Variants in BTBD9 observed in about 807,000 individuals in gnomAD.
The protein encoded by BTBD9 is BTB/POZ domain-containing protein 9.
BTBD9 carries 49 observed loss-of-function variants against 64.3 expected under a neutral mutation model. That is an observed-to-expected ratio of 0.76 (90% CI 0.61 to 0.97). The LOEUF (loss-of-function observed/expected upper bound fraction) is 0.97, where lower values mean the gene tolerates loss of function less well. Ranked by LOEUF, BTBD9 falls within the 50% of genes least tolerant of loss-of-function variation. The pLI, the probability that BTBD9 is intolerant of heterozygous loss-of-function variation, is 0.00. For synonymous variants in BTBD9, 260 were observed against 274.7 expected (o/e 0.95, Z 0.53); for missense variants, 598 against 762.1 (o/e 0.78, Z 2.53).
intron 8 of BTBD9, among the ~76,000 whole-genome samples, chr6:38,283,049 G>C (rs1761580703): frequency 6.6e-6 from 1 of 152,196 alleles, no homozygotes; most frequent in Non-Finnish European, 1.5e-5. Context: ...TTTGTTGAAT[G>C]AATCAACGAA....
chr6:38,302,106 C>T (rs1762425872), intron 7 of BTBD9, among the ~76,000 whole-genome samples: 1 of 152,138 alleles, frequency 6.6e-6, no homozygotes, highest in African/African-American at 2.4e-5. Context: ...TCGTCTCATA[C>T]ATTTAACATT....
chr6:38,398,252 C>A (rs1458800458), intron 6 of BTBD9, among the ~76,000 whole-genome samples: 3 of 152,136 alleles, frequency 2.0e-5, no homozygotes, highest in African/African-American at 7.2e-5. Context: ...TTCTCTAGGC[C>A]TTTAAACCTA....
chr6:38,541,099 G>C (rs999876102), intron 6 of BTBD9, among the ~76,000 whole-genome samples: 2 of 152,072 alleles, frequency 1.3e-5, no homozygotes, highest in African/African-American at 4.8e-5. Context: ...TAAAGACAAT[G>C]TTTCTGGTCA....
At chr6:38,478,358 C>T (rs1770988106) in intron 6 of BTBD9, among the ~76,000 whole-genome samples, 1 of 152,104 alleles carries the variant, frequency 6.6e-6, no homozygotes, top group Non-Finnish European at 1.5e-5. Flanking sequence ...CTGACACATC[C>T]ATTTACTGGT....
chr6:38,244,350 AG>A (rs2127526597), intron 9 of BTBD9, among the ~76,000 whole-genome samples: 1 of 152,272 alleles, frequency 6.6e-6, no homozygotes, highest in South Asian at 2.1e-4. Context: ...AGACCATGAG[AG>A]GTACAGAGAG....
intron 10 of BTBD9, among the ~76,000 whole-genome samples, chr6:38,189,542 G>GT (rs1476218366): frequency 6.6e-6 from 1 of 152,312 alleles, no homozygotes; most frequent in East Asian, 1.9e-4. Flanking sequence ...CAGGGCTGGA[G>GT]TGCAGTGGCA....
At chr6:38,586,676 G>T (rs564883992) in intron 4 of BTBD9, among the ~76,000 whole-genome samples, 7 of 152,090 alleles carry the variant, frequency 4.6e-5, no homozygotes, top group Non-Finnish European at 7.4e-5. Flanking sequence ...TTTTCAAGTC[G>T]TCAGCCCAGG....
intron 9 of BTBD9, among the ~76,000 whole-genome samples, chr6:38,211,435 G>GAA (rs11451936): frequency 2.0e-3 from 273 of 134,640 alleles, no homozygotes; most frequent in East Asian, 2.7e-3. Flanking sequence ...TCTCACAAAA[G>GAA]AAAAAAAAAA....
intron 9 of BTBD9, among the ~76,000 whole-genome samples, chr6:38,241,005 A>G (rs60583073): frequency 0.012 from 1,864 of 152,294 alleles, 37 homozygotes; most frequent in African/African-American, 0.041. Flanking sequence ...ATTAGGAAAA[A>G]TGAATTCTGA....
chr6:38,373,195 T>C (rs1394602218), intron 6 of BTBD9, among the ~76,000 whole-genome samples: 1 of 152,186 alleles, frequency 6.6e-6, no homozygotes. Flanking sequence ...GAAAATAATC[T>C]AGGATTCAAA....
At chr6:38,541,063 C>T (rs1456059510) in intron 6 of BTBD9, among the ~76,000 whole-genome samples, 7 of 152,136 alleles carry the variant, frequency 4.6e-5, no homozygotes, top group Admixed American at 1.3e-4. Flanking sequence ...TAATGCTGGA[C>T]GCAGATGCAA....
At chr6:38,243,324 A>C (rs1764072775) in intron 9 of BTBD9, among the ~76,000 whole-genome samples, 1 of 152,184 alleles carries the variant, frequency 6.6e-6, no homozygotes, top group African/African-American at 2.4e-5. Context: ...TCATGTAGAG[A>C]TAGAAGATGA....
intron 6 of BTBD9, among the ~76,000 whole-genome samples, chr6:38,359,943 A>C (rs1764884307): frequency 1.2e-5 from 1 of 80,086 alleles, no homozygotes; most frequent in South Asian, 4.8e-4. Flanking sequence ...ATGTTAGACA[A>C]AAAAAAAAAA....
intron 1 of BTBD9, among the ~76,000 whole-genome samples, chr6:38,613,264 C>G (rs970206050): frequency 3.9e-5 from 6 of 152,184 alleles, no homozygotes; most frequent in Non-Finnish European, 1.5e-5. Flanking sequence ...TCCTGTTTGA[C>G]AGCGCTGCTT....
At chr6:38,271,991 C>G (rs751086362) in intron 8 of BTBD9, among the ~76,000 whole-genome samples, 28 of 151,978 alleles carry the variant, frequency 1.8e-4, no homozygotes, top group South Asian at 1.2e-3. Flanking sequence ...GGGGGGGAAG[C>G]AGCAGCAGCA....
chr6:38,423,229 C>T (rs1423473949), intron 6 of BTBD9, among the ~76,000 whole-genome samples: 1 of 152,136 alleles, frequency 6.6e-6, no homozygotes, highest in African/African-American at 2.4e-5. Context: ...CTCTCCAGTA[C>T]ACTCCAGCCT....
At chr6:38,283,934 G>A (rs962109324) in intron 8 of BTBD9, among the ~76,000 whole-genome samples, 1 of 152,168 alleles carries the variant, frequency 6.6e-6, no homozygotes, top group Non-Finnish European at 1.5e-5. Context: ...CCCATGAAAG[G>A]GGTACCACTC....
intron 9 of BTBD9, among the ~76,000 whole-genome samples, chr6:38,225,172 C>T (rs2127511872): frequency 6.6e-6 from 1 of 152,332 alleles, no homozygotes; most frequent in South Asian, 2.1e-4. Context: ...GTTCTCTTAC[C>T]TACCTCACTC....
intron 6 of BTBD9, among the ~76,000 whole-genome samples, chr6:38,556,598 G>C (rs1236140212): frequency 1.3e-5 from 2 of 148,410 alleles, no homozygotes; most frequent in Non-Finnish European, 3.0e-5. Flanking sequence ...AGGAGTAAAA[G>C]TTATTACTTC....
Sources: allele counts gnomAD v4.1 joint callset (sites outside exome capture counted in the v4.1 genomes callset), GRCh38; gene constraint gnomAD v4.1.1; transcripts MANE v1.5; gene names NCBI Gene and HGNC (gene_info 2026-07-23, HGNC 2026-07-21).